GABRB1: variants seen among roughly 807,000 people sequenced by gnomAD.
The protein encoded by GABRB1 is gamma-aminobutyric acid receptor subunit beta-1.
GABRB1 carries 17 observed loss-of-function variants against 51.6 expected under a neutral mutation model. The ratio of observed to expected loss-of-function variants is 0.33; its 90% CI spans 0.23 to 0.49. The LOEUF is 0.49. GABRB1 is among the 20% of genes least tolerant of loss of function. The probability of loss-of-function intolerance (pLI) is 0.99; values close to 1 mark genes in which losing one functional copy is unlikely to be tolerated. For missense variants in GABRB1, 410 were observed against 600.6 expected (o/e 0.68, Z 3.32); for synonymous variants, 247 against 218.9 (o/e 1.13, Z -1.14).
intron 5 of GABRB1, among the ~76,000 whole-genome samples, chr4:47,322,194 G>A (rs1016471937): frequency 1.3e-5 from 2 of 152,166 alleles, no homozygotes; most frequent in Admixed American, 6.5e-5. Flanking sequence ...CAGATAATAG[G>A]TGGTGACCCA....
In GABRB1 at chr4:47,416,442, C is replaced by T. The variant is rs577440652; in HGVS notation, c.1081-9232C>T. ...GTAAACAGAAGATATAAATAGACAT[C>T]ATTTGTTTTACTTTTTTTTTTTTTT... is the stretch of plus-strand genomic sequence containing the variant. On this transcript the variant is annotated intron_variant, in intron 8 of 8. Coordinates refer to ENST00000295454, the MANE Select transcript of GABRB1 (RefSeq NM_000812.4). Among the ~76,000 whole-genome samples the T allele has an allele frequency of 5.9e-5, 9 of 151,480 alleles. No individual in the cohort carries two copies. The South Asian group carries it at 8.3e-4, about 14-fold the overall frequency.
chr4:47,146,302 T>C (rs767507256), intron 3 of GABRB1, among the ~76,000 whole-genome samples: 27 of 152,060 alleles, frequency 1.8e-4, no homozygotes, highest in Non-Finnish European at 3.2e-4. Flanking sequence ...TCCTTTCTTT[T>C]TTTCCCCCTC....
chr4:47,416,460 T>C (rs1578157365), intron 8 of GABRB1, among the ~76,000 whole-genome samples: 2 of 151,884 alleles, frequency 1.3e-5, no homozygotes, highest in South Asian at 2.1e-4. Flanking sequence ...TTACTTTTTT[T>C]TTTTTTTTGA....
intron 5 of GABRB1, among the ~76,000 whole-genome samples, chr4:47,391,436 T>C (rs1284543949): frequency 6.6e-6 from 1 of 152,192 alleles, no homozygotes; most frequent in Non-Finnish European, 1.5e-5. Context: ...CGGGAGATAA[T>C]GTGAGGTGCT....
chr4:47,126,533 A>G (rs529444427), intron 3 of GABRB1, among the ~76,000 whole-genome samples: 1 of 152,164 alleles, frequency 6.6e-6, no homozygotes. Context: ...CATCTTAAAT[A>G]TATTACAATT....
At chr4:47,169,356 A>G (rs1718344508) in intron 4 of GABRB1, among the ~76,000 whole-genome samples, 1 of 152,160 alleles carries the variant, frequency 6.6e-6, no homozygotes, top group Admixed American at 6.5e-5. Flanking sequence ...GTTATTTTCC[A>G]TAAAATCTTC....
intron 3 of GABRB1, among the ~76,000 whole-genome samples, chr4:47,084,557 C>T (rs1297563127): frequency 6.6e-6 from 1 of 152,144 alleles, no homozygotes. Context: ...ATAGTTCTTT[C>T]CTCTTCAGTT....
chr4:47,017,244 C>A lies in GABRB1; in HGVS notation c.-19-14670C>A, dbSNP rs116785465. Among the ~76,000 whole-genome samples the A allele has an allele frequency of 4.1e-3, 626 of 152,220 alleles. 1 individual carries two copies. The highest frequency in any genetic ancestry group is 0.015 in the African/African-American group (608 of 41,544). Reference sequence around the variant, plus strand: ...TCCCTGCTTGTGTTAACATTCAAGTCTAAAGGATTGCTTGGGATCATGATT... The same window carrying A: ...TCCCTGCTTGTGTTAACATTCAAGTATAAAGGATTGCTTGGGATCATGATT... On this transcript the variant is annotated intron_variant, in intron 1 of 3. Coordinates refer to the GABRB1 transcript ENST00000513567.
chr4:47,246,200 A>G (rs978661858), intron 4 of GABRB1, among the ~76,000 whole-genome samples: 1 of 146,556 alleles, frequency 6.8e-6, no homozygotes, highest in South Asian at 2.2e-4. Context: ...TTCAGTTAGA[A>G]TAATACTCTC....
intron 5 of GABRB1, among the ~76,000 whole-genome samples, chr4:47,334,082 C>A (rs925426934): frequency 6.6e-6 from 1 of 152,144 alleles, no homozygotes; most frequent in East Asian, 1.9e-4. Flanking sequence ...GCTTGTCGAA[C>A]ATTCAGGGTC....
chr4:47,304,300 T>A (rs982687613), intron 4 of GABRB1, among the ~76,000 whole-genome samples: 4 of 151,984 alleles, frequency 2.6e-5, no homozygotes, highest in African/African-American at 9.7e-5. Context: ...CTCACCAACA[T>A]TTATCTTTCA....
intron 4 of GABRB1, among the ~76,000 whole-genome samples, chr4:47,268,297 C>T (rs567938936): frequency 6.6e-6 from 1 of 152,216 alleles, no homozygotes; most frequent in South Asian, 2.1e-4. Flanking sequence ...TTGTTAGACA[C>T]CCTGTTGATG....
chr4:47,406,401 G>T (rs566033279), intron 7 of GABRB1, among the ~76,000 whole-genome samples: 22 of 152,274 alleles, frequency 1.4e-4, no homozygotes, highest in Non-Finnish European at 2.5e-4. Flanking sequence ...ATTTTGATCT[G>T]CTTTTCCATC....
Position 47,425,851 on chromosome 4 carries a change from C to A in GABRB1, c.1258C>A (p.Arg420=), listed in dbSNP as rs781583138. 6.2e-7 allele frequency: 1 copy of A among 1,614,094 alleles called. No homozygotes were observed. The highest frequency in any genetic ancestry group is 1.1e-5 in the South Asian group (1 of 91,064). ...SREAYGRALD[R]HGVPSKGRIR... is the part of the protein sequence containing the mutation. ...CGAGGCCTACGGGCGCGCCCTGGACCGGCACGGGGTACCCAGCAAGGGGCG... is the reference window on the plus strand; with the variant it reads ...CGAGGCCTACGGGCGCGCCCTGGACAGGCACGGGGTACCCAGCAAGGGGCG... The change falls in exon 9 of 9, where the codon CGG becomes AGG. Residue 420 remains arginine (R), a synonymous_variant. Coordinates refer to ENST00000295454, the MANE Select transcript of GABRB1 (RefSeq NM_000812.4).
intron 4 of GABRB1, among the ~76,000 whole-genome samples, chr4:47,243,910 C>A (rs1434379143): frequency 6.6e-6 from 1 of 152,172 alleles, no homozygotes; most frequent in Non-Finnish European, 1.5e-5. Flanking sequence ...GCCAGAACTT[C>A]CAACTCTATG....
At chr4:47,340,249 C>T (rs1465282460) in intron 5 of GABRB1, among the ~76,000 whole-genome samples, 8 of 151,982 alleles carry the variant, frequency 5.3e-5, no homozygotes, top group Non-Finnish European at 1.0e-4. Context: ...CTCGGGGAAG[C>T]TCCTACCAAC....
At chr4:47,212,351 T>C (rs1162119282) in intron 4 of GABRB1, among the ~76,000 whole-genome samples, 1 of 151,944 alleles carries the variant, frequency 6.6e-6, no homozygotes, top group Non-Finnish European at 1.5e-5. Flanking sequence ...GGGAGGAGAA[T>C]GGTAAGAGAC....
chr4:47,406,575 C>G, intron 7 of GABRB1, 107 bp from the exon 8 acceptor site: 1 of 1,386,402 alleles, frequency 7.2e-7, no homozygotes, highest in South Asian at 1.3e-5. Flanking sequence ...ACTGTGATCA[C>G]TCAGGGGCAC....
chr4:47,012,616 GA>G (rs975322619), intron 1 of GABRB1, among the ~76,000 whole-genome samples: 2 of 152,120 alleles, frequency 1.3e-5, no homozygotes, highest in African/African-American at 4.8e-5. Context: ...ACAAAATAAT[GA>G]AAAGTTTATT....
Sources: gnomAD v4.1 joint callset for allele counts (sites outside exome capture counted in the v4.1 genomes callset) on GRCh38, gnomAD v4.1.1 for gene constraint, MANE v1.5 for transcripts, NCBI Gene and HGNC (gene_info 2026-07-23, HGNC 2026-07-21) for gene names.